Variants in TOP6BL observed in about 807,000 individuals in gnomAD.
TOP6BL encodes type 2 DNA topoisomerase 6 subunit B-like.
the TOP6BL span, among the ~76,000 whole-genome samples, chr11:66,753,924 C>T: frequency 3.3e-3 from 505 of 152,124 alleles, 3 homozygotes; most frequent in Middle Eastern, 6.8e-3. Context: ...AGGCTGGTCT[C>T]GAACTCCTGA....
At chr11:66,795,142 A>ATAT in the TOP6BL span, among the ~76,000 whole-genome samples, 1 of 150,620 alleles carries the variant, frequency 6.6e-6, no homozygotes, top group East Asian at 1.9e-4. Context: ...CTCAAAAAAA[A>ATAT]ATATATATAT....
the TOP6BL span, among the ~76,000 whole-genome samples, chr11:66,768,067 C>G: frequency 3.0e-4 from 45 of 152,276 alleles, no homozygotes; most frequent in African/African-American, 1.1e-3. Flanking sequence ...GTAAGGATTA[C>G]AAGTGTGAGC....
the TOP6BL span, among the ~76,000 whole-genome samples, chr11:66,791,555 G>T: frequency 6.6e-6 from 1 of 151,976 alleles, no homozygotes; most frequent in South Asian, 2.1e-4. Context: ...AGTGATATAA[G>T]GGCTCATGAC....
the TOP6BL span, chr11:66,821,881 T>G: frequency 1.6e-6 from 2 of 1,229,372 alleles, no homozygotes; most frequent in Non-Finnish European, 2.3e-6. Flanking sequence ...TCTCCTCTTC[T>G]GTCACCTGGG....
At chr11:66,766,734 A>G in the TOP6BL span, among the ~76,000 whole-genome samples, 2 of 152,238 alleles carry the variant, frequency 1.3e-5, no homozygotes, top group African/African-American at 4.8e-5. Flanking sequence ...AACTATGCTG[A>G]TGAGACTTAT....
At chr11:66,759,072 A>G in the TOP6BL span, 2 of 1,567,654 alleles carry the variant, frequency 1.3e-6, no homozygotes, top group African/African-American at 1.3e-5. Flanking sequence ...TTTTGGTGGC[A>G]TGGTCCTCAA....
chr11:66,787,368 T>G, the TOP6BL span, among the ~76,000 whole-genome samples: 2 of 151,680 alleles, frequency 1.3e-5, no homozygotes, highest in African/African-American at 4.8e-5. Context: ...CATCGTTAGG[T>G]TTTTAAAGTT....
the TOP6BL span, chr11:66,804,070 C>T: frequency 1.2e-6 from 2 of 1,613,902 alleles, no homozygotes; most frequent in Non-Finnish European, 1.7e-6. Flanking sequence ...TAATGCTTTT[C>T]ATCCCTGAAG....
At chr11:66,799,137 G>T in the TOP6BL span, among the ~76,000 whole-genome samples, 1 of 150,696 alleles carries the variant, frequency 6.6e-6, no homozygotes, top group African/African-American at 2.5e-5. Context: ...AACCTGGGAA[G>T]TGGAGGTTGC....
chr11:66,813,509 C>T, the TOP6BL span, among the ~76,000 whole-genome samples: 3 of 152,020 alleles, frequency 2.0e-5, no homozygotes, highest in Non-Finnish European at 4.4e-5. Context: ...CCGAGGTGGG[C>T]AGATCACGAG....
the TOP6BL span, among the ~76,000 whole-genome samples, chr11:66,797,730 C>T: frequency 1.2e-4 from 19 of 152,282 alleles, 1 homozygote; most frequent in East Asian, 2.9e-3. Flanking sequence ...ATCTTGAACT[C>T]CTAGCCTCAA....
the TOP6BL span, among the ~76,000 whole-genome samples, chr11:66,759,426 T>G: frequency 6.6e-6 from 1 of 152,264 alleles, no homozygotes; most frequent in African/African-American, 2.4e-5. Context: ...AGATGTAAAA[T>G]AAAAATTTTA....
At chr11:66,799,330 G>A in the TOP6BL span, among the ~76,000 whole-genome samples, 1 of 150,094 alleles carries the variant, frequency 6.7e-6, no homozygotes, top group Admixed American at 6.7e-5. Context: ...AGGTTGCGGT[G>A]AGCTGAGATT....
chr11:66,750,589 C>T, the TOP6BL span, among the ~76,000 whole-genome samples: 14 of 151,810 alleles, frequency 9.2e-5, no homozygotes, highest in Non-Finnish European at 1.9e-4. Context: ...CTGCGTGCTT[C>T]CCCCATCTCT....
the TOP6BL span, among the ~76,000 whole-genome samples, chr11:66,800,205 A>G: frequency 6.6e-6 from 1 of 152,228 alleles, no homozygotes; most frequent in Admixed American, 6.5e-5. Context: ...TAGAGAATAG[A>G]ATGGTGGTTA....
chr11:66,768,549 AT>A, the TOP6BL span, among the ~76,000 whole-genome samples: 5 of 152,238 alleles, frequency 3.3e-5, no homozygotes, highest in East Asian at 9.6e-4. Flanking sequence ...ACTACACTTA[AT>A]TTTAAGCTTT....
At chr11:66,764,925 G>A in the TOP6BL span, among the ~76,000 whole-genome samples, 1 of 151,664 alleles carries the variant, frequency 6.6e-6, no homozygotes, top group Non-Finnish European at 1.5e-5. Context: ...CTGTGATTGC[G>A]CCACTGCACT....
At chr11:66,790,243 T>C in the TOP6BL span, among the ~76,000 whole-genome samples, 1 of 151,704 alleles carries the variant, frequency 6.6e-6, no homozygotes, top group Non-Finnish European at 1.5e-5. Flanking sequence ...CACTCCAGCA[T>C]GGGTGATAGA....
At chr11:66,822,778 A>G in the TOP6BL span, 1 of 743,728 alleles carries the variant, frequency 1.3e-6, no homozygotes, top group Non-Finnish European at 2.3e-6. Context: ...CCAAGGTAGG[A>G]GGATTGCTTG....
Sources: gnomAD v4.1 joint callset for allele counts (sites outside exome capture counted in the v4.1 genomes callset) on GRCh38, gnomAD v4.1.1 for gene constraint, MANE v1.5 for transcripts, NCBI Gene and HGNC (gene_info 2026-07-23, HGNC 2026-07-21) for gene names.